Variants in NAALADL2 observed in about 807,000 individuals in gnomAD.
NAALADL2 encodes the protein inactive N-acetylated-alpha-linked acidic dipeptidase-like protein 2.
A neutral mutation model predicts 87.2 loss-of-function variants in NAALADL2; 76 were observed. That is an observed-to-expected ratio of 0.87 (90% CI 0.72 to 1.05). The LOEUF (loss-of-function observed/expected upper bound fraction) is 1.05. Among genes scored for constraint, NAALADL2 ranks in the 50% least tolerant of loss-of-function variants. The pLI, the probability that NAALADL2 is intolerant of heterozygous loss-of-function variation, is 0.00. For synonymous variants in NAALADL2, 354 were observed against 331.0 expected (o/e 1.07, Z -0.75); for missense variants, 1,089 against 945.8 (o/e 1.15, Z -1.99).
intron 2 of NAALADL2, among the ~76,000 whole-genome samples, chr3:175,123,430 G>T (rs1173677078): frequency 6.6e-6 from 1 of 151,902 alleles, no homozygotes; most frequent in Non-Finnish European, 1.5e-5. Context: ...CCACACTAGT[G>T]CTTGGGTGCT....
intron 1 of NAALADL2, among the ~76,000 whole-genome samples, chr3:174,453,097 C>A (rs1213536362): frequency 6.6e-6 from 1 of 152,048 alleles, no homozygotes; most frequent in Non-Finnish European, 1.5e-5. Flanking sequence ...TGTAACTGAC[C>A]TGATATAGCT....
chr3:175,001,622 G>A (rs138460536), intron 1 of NAALADL2, among the ~76,000 whole-genome samples: 3 of 151,678 alleles, frequency 2.0e-5, no homozygotes, highest in East Asian at 1.9e-4. Flanking sequence ...CTTGTTTTTC[G>A]TAATACCCTG....
chr3:174,618,296 G>T (rs369766423), intron 2 of NAALADL2, among the ~76,000 whole-genome samples: 4 of 151,826 alleles, frequency 2.6e-5, no homozygotes, highest in Admixed American at 6.6e-5. Flanking sequence ...TAGAGAGAAG[G>T]TTGAATAAAG....
chr3:174,761,933 A>G (rs1231953640), intron 3 of NAALADL2, among the ~76,000 whole-genome samples: 3 of 151,744 alleles, frequency 2.0e-5, no homozygotes, highest in Non-Finnish European at 1.5e-5. Context: ...TTTTGCACCA[A>G]CCTAATGTTA....
At chr3:175,248,541 T>C in intron 3 of NAALADL2, among the ~76,000 whole-genome samples, 1 of 152,184 alleles carries the variant, frequency 6.6e-6, no homozygotes, top group East Asian at 1.9e-4. Context: ...TCTCTCTCTC[T>C]CTCCATTAAG....
At chr3:175,216,705 A>G (rs1400583181) in intron 2 of NAALADL2, among the ~76,000 whole-genome samples, 1 of 109,120 alleles carries the variant, frequency 9.2e-6, no homozygotes, top group Non-Finnish European at 1.7e-5. Context: ...GTCTCGCCCT[A>G]TTGCCCAGGC....
At chr3:175,448,477 A>G (rs1721038706) in intron 6 of NAALADL2, among the ~76,000 whole-genome samples, 1 of 152,180 alleles carries the variant, frequency 6.6e-6, no homozygotes, top group Admixed American at 6.5e-5. Context: ...CCAGATTTAA[A>G]TAATTAATTA....
chr3:174,458,469 C>A (rs1013590094), intron 1 of NAALADL2: 4 of 152,122 alleles, frequency 2.6e-5, no homozygotes, highest in African/African-American at 7.2e-5. Context: ...TGTTATTTTC[C>A]TTTTCTTTCC....
At chr3:175,206,104 C>T (rs979701422) in intron 2 of NAALADL2, among the ~76,000 whole-genome samples, 1 of 151,350 alleles carries the variant, frequency 6.6e-6, no homozygotes, top group African/African-American at 2.4e-5. Flanking sequence ...AAGTATCTAC[C>T]CACAGGAAAA....
At chr3:175,332,897 T>C (rs1234702137) in intron 5 of NAALADL2, among the ~76,000 whole-genome samples, 1 of 152,230 alleles carries the variant, frequency 6.6e-6, no homozygotes, top group African/African-American at 2.4e-5. Context: ...TTTATATAGC[T>C]GGGCACTCTG....
At chr3:175,570,430 A>G (rs1458787788) in intron 9 of NAALADL2, among the ~76,000 whole-genome samples, 1 of 152,248 alleles carries the variant, frequency 6.6e-6, no homozygotes, top group Non-Finnish European at 1.5e-5. Flanking sequence ...AAAATTAACC[A>G]TCACACTGCC....
At chr3:175,491,411 T>TAA (rs1490027886) in intron 9 of NAALADL2, among the ~76,000 whole-genome samples, 2 of 152,048 alleles carry the variant, frequency 1.3e-5, no homozygotes, top group African/African-American at 4.8e-5. Flanking sequence ...TAAAGCTTCT[T>TAA]AATAGTTTGT....
At chr3:174,648,512 T>C (rs1470996495) in intron 2 of NAALADL2, among the ~76,000 whole-genome samples, 9 of 152,092 alleles carry the variant, frequency 5.9e-5, no homozygotes. Flanking sequence ...AAGTATATAT[T>C]TCATGGTTCC....
chr3:175,200,902 T>G (rs1214892007), intron 2 of NAALADL2, among the ~76,000 whole-genome samples: 1 of 152,144 alleles, frequency 6.6e-6, no homozygotes, highest in Non-Finnish European at 1.5e-5. Flanking sequence ...TTCAACTTGA[T>G]TTCTTTCCAT....
chr3:175,422,011 A>G (rs1040033214), intron 5 of NAALADL2, among the ~76,000 whole-genome samples: 2 of 152,080 alleles, frequency 1.3e-5, no homozygotes, highest in African/African-American at 4.8e-5. Flanking sequence ...AGTGGTAGGA[A>G]ATAAGGCCAG....
chr3:175,431,082 A>G (rs975377768), intron 5 of NAALADL2, among the ~76,000 whole-genome samples: 5 of 152,072 alleles, frequency 3.3e-5, no homozygotes, highest in Non-Finnish European at 5.9e-5. Flanking sequence ...TTAACAGCAC[A>G]CTTTCTAAAA....
At chr3:175,365,866 A>T (rs1482657555) in intron 5 of NAALADL2, among the ~76,000 whole-genome samples, 1 of 147,048 alleles carries the variant, frequency 6.8e-6, no homozygotes, top group Non-Finnish European at 1.5e-5. Context: ...GAACTTTATT[A>T]TCTTTTTTTA....
intron 2 of NAALADL2, among the ~76,000 whole-genome samples, chr3:175,225,296 A>G (rs1161353620): frequency 6.6e-6 from 1 of 152,122 alleles, no homozygotes; most frequent in African/African-American, 2.4e-5. Context: ...ATAAACTAAA[A>G]TAAGTATATA....
At chr3:174,929,977 C>A (rs1276276565) in intron 1 of NAALADL2, among the ~76,000 whole-genome samples, 2 of 152,086 alleles carry the variant, frequency 1.3e-5, no homozygotes, top group Non-Finnish European at 2.9e-5. Flanking sequence ...ATAATGAACT[C>A]TTTTAACTTT....
Sources: gnomAD v4.1 joint callset for allele counts (sites outside exome capture counted in the v4.1 genomes callset) on GRCh38, gnomAD v4.1.1 for gene constraint, MANE v1.5 for transcripts, NCBI Gene and HGNC (gene_info 2026-07-23, HGNC 2026-07-21) for gene names.